The following E2F5 variants were observed in gnomAD, a reference collection of about 807,000 sequenced individuals.
E2F5 encodes E2F transcription factor 5.
In E2F5, 23 loss-of-function variants were observed where a neutral mutation model predicts 39.1. The observed-to-expected ratio is 0.59, with a 90% CI of 0.42 to 0.83. E2F5 has a LOEUF of 0.83. Among genes scored for constraint, E2F5 ranks in the 40% least tolerant of loss-of-function variants. The probability of loss-of-function intolerance (pLI) is 0.00; values close to 1 mark genes in which losing one functional copy is unlikely to be tolerated. For synonymous variants in E2F5, 145 were observed against 157.8 expected, an observed-to-expected ratio of 0.92 and a Z score of 0.61; for missense variants, 365 against 406.7, an observed-to-expected ratio of 0.90 and a Z score of 0.88.
intron 1 of E2F5, among the ~76,000 whole-genome samples, chr8:85,189,533 G>C (rs1213270130): frequency 6.6e-6 from 1 of 151,984 alleles, no homozygotes; most frequent in Admixed American, 6.6e-5. Context: ...CCATGCCTGG[G>C]TAATTTTTGT....
intron 1 of E2F5, among the ~76,000 whole-genome samples, chr8:85,181,293 C>G (rs1172012184): frequency 6.6e-6 from 1 of 152,046 alleles, no homozygotes; most frequent in Non-Finnish European, 1.5e-5. Context: ...TCTTATGCTG[C>G]TGGAGAATAA....
At chr8:85,186,009 C>T (rs893405222) in intron 1 of E2F5, among the ~76,000 whole-genome samples, 1 of 152,100 alleles carries the variant, frequency 6.6e-6, no homozygotes, top group African/African-American at 2.4e-5. Context: ...CTATTACTGG[C>T]TATACACCCA....
At chr8:85,205,271 T>G (rs1032689266) in intron 3 of E2F5, among the ~76,000 whole-genome samples, 32 of 151,630 alleles carry the variant, frequency 2.1e-4, no homozygotes, top group Non-Finnish European at 4.4e-5. Flanking sequence ...GGAGTCGCTC[T>G]GTTGCCCAGG....
At chr8:85,202,073 A>T in intron 1 of E2F5, 74 bp from the exon 2 acceptor site, 1 of 1,232,968 alleles carries the variant, frequency 8.1e-7, no homozygotes, top group Non-Finnish European at 1.2e-6. Flanking sequence ...TTGTGGATTT[A>T]ATAATCAACC....
intron 3 of E2F5, among the ~76,000 whole-genome samples, chr8:85,205,489 A>G (rs950277444): frequency 6.6e-6 from 1 of 151,970 alleles, no homozygotes. Context: ...CCCTCTGTGC[A>G]TATGGTCAGG....
chr8:85,192,596 A>G (rs1812489492), intron 1 of E2F5, among the ~76,000 whole-genome samples: 2 of 152,210 alleles, frequency 1.3e-5, no homozygotes, highest in African/African-American at 4.8e-5. Context: ...AGAGGATGCA[A>G]CAGGACTTAA....
intron 1 of E2F5, among the ~76,000 whole-genome samples, chr8:85,189,309 G>C (rs1206248249): frequency 6.6e-6 from 1 of 152,100 alleles, no homozygotes; most frequent in African/African-American, 2.4e-5. Flanking sequence ...ACAATTTTTA[G>C]TATTTCCCAT....
At chr8:85,207,404 T>A (rs1812821560) in intron 4 of E2F5, 21 bp from the exon 5 acceptor site, 2 of 1,547,266 alleles carry the variant, frequency 1.3e-6, no homozygotes, top group African/African-American at 2.7e-5. Flanking sequence ...TATGTAACTT[T>A]TTATATTTAT....
chr8:85,211,220 T>TAAAAAAAA (rs5892938), intron 6 of E2F5, among the ~76,000 whole-genome samples: 1 of 112,502 alleles, frequency 8.9e-6, no homozygotes, highest in Non-Finnish European at 1.8e-5. Context: ...ACCCTATCTC[T>TAAAAAAAA]AAAAAAAAAA....
At chr8:85,190,747 G>T (rs1812444553) in intron 1 of E2F5, among the ~76,000 whole-genome samples, 1 of 151,830 alleles carries the variant, frequency 6.6e-6, no homozygotes, top group South Asian at 2.1e-4. Context: ...CAAGTGATCT[G>T]CCCGCCTCAG....
rs191018956 is a variant in E2F5, at chr8:85,214,476, C to T, written c.*614C>T. The T allele has an allele frequency of 2.3e-5, 22 of 948,628 alleles. No homozygotes were observed. In the Admixed American group the frequency reaches 4.1e-4, roughly 17 times the overall value. The allele number at this position is 948,628 out of a possible 1,614,324, so 58.8% of individuals were successfully genotyped here. A position where few individuals can be genotyped will look rare whatever the true frequency, so the allele number is the denominator to read the frequency against. On this transcript the variant is annotated 3_prime_UTR_variant, in exon 8 of 8. Transcript: ENST00000416274. ...TTTTTAAAATGTGCCAATGCCTGTA[C>T]ATTAACAAGATTTTTAAAAATAAAA...
At chr8:85,197,944 C>T (rs376062443) in intron 1 of E2F5, among the ~76,000 whole-genome samples, 10 of 152,212 alleles carry the variant, frequency 6.6e-5, no homozygotes, top group East Asian at 1.9e-4. Context: ...TGCTGTCCAG[C>T]GTTCCTTCCA....
chr8:85,183,809 A>G (rs970161469), intron 1 of E2F5, among the ~76,000 whole-genome samples: 3 of 152,216 alleles, frequency 2.0e-5, no homozygotes, highest in African/African-American at 7.2e-5. Flanking sequence ...CCCAAAATTC[A>G]TATGTTGAAG....
At position 85,203,191 on chromosome 8, in the gene E2F5, G is replaced by T; in HGVS notation, c.442G>T (p.Asp148Tyr). The T allele has an allele frequency of 6.2e-7, 1 of 1,607,382 alleles. No homozygotes were observed. Among genetic ancestry groups the T allele is most frequent in the Non-Finnish European group, 8.5e-7 (1 of 1,176,634 alleles). Reference sequence around the variant, plus strand: ...TCTAGAACTGAAGGAAAGAGAACTTGATCAGCAGAAGTTGTGGCTACAGCA... The same window carrying T: ...TCTAGAACTGAAGGAAAGAGAACTTTATCAGCAGAAGTTGTGGCTACAGCA... ...EDLELKERELDQQKLWLQQSI... is the reference protein window; with the variant it reads ...EDLELKERELYQQKLWLQQSI... Residue 148 changes from aspartate to tyrosine, a missense_variant, in exon 3 of 8, where the codon GAT becomes TAT. Asp to Tyr is a radical substitution (Grantham distance 160). Coordinates refer to ENST00000416274, the MANE Select transcript of E2F5 (RefSeq NM_001951.4).
At chr8:85,196,557 T>C (rs1319339738) in intron 1 of E2F5, among the ~76,000 whole-genome samples, 2 of 152,244 alleles carry the variant, frequency 1.3e-5, no homozygotes, top group East Asian at 3.8e-4. Context: ...TGCAGTTATA[T>C]AACTTGGAAA....
At chr8:85,207,807 A>C (rs1812829757) in intron 5 of E2F5, among the ~76,000 whole-genome samples, 1 of 152,222 alleles carries the variant, frequency 6.6e-6, no homozygotes, top group Admixed American at 6.5e-5. Flanking sequence ...AAAAATTAAA[A>C]CTATTGTATA....
intron 6 of E2F5, among the ~76,000 whole-genome samples, chr8:85,210,665 G>A (rs1188085523): frequency 6.8e-6 from 1 of 147,310 alleles, no homozygotes; most frequent in Non-Finnish European, 1.5e-5. Flanking sequence ...GACAGAGTAA[G>A]ACTCCATCTT....
chr8:85,189,469 A>C (rs1383834015), intron 1 of E2F5, among the ~76,000 whole-genome samples: 1 of 152,156 alleles, frequency 6.6e-6, no homozygotes, highest in Non-Finnish European at 1.5e-5. Flanking sequence ...ACCCAGGCTC[A>C]AGCGAGTCTC....
chr8:85,200,363 T>C, intron 1 of E2F5: 1 of 783,082 alleles, frequency 1.3e-6, no homozygotes, highest in Non-Finnish European at 1.5e-6. Flanking sequence ...GTAAAGTATT[T>C]GAGAAATAAT....
Sources: allele counts gnomAD v4.1 joint callset (sites outside exome capture counted in the v4.1 genomes callset), GRCh38; gene constraint gnomAD v4.1.1; transcripts MANE v1.5; gene names NCBI Gene and HGNC (gene_info 2026-07-23, HGNC 2026-07-21).